SHH: variants seen among roughly 807,000 people sequenced by gnomAD.
The protein encoded by SHH is sonic hedgehog signaling molecule.
A neutral mutation model predicts 16.6 loss-of-function variants in SHH; 3 were observed. That is an observed-to-expected ratio of 0.18 (90% CI 0.08 to 0.47). SHH has a LOEUF of 0.47. Among genes scored for constraint, SHH ranks in the 20% least tolerant of loss-of-function variants. SHH has a pLI of 0.98. For synonymous variants in SHH, 351 were observed against 316.2 expected (o/e 1.11, Z -1.17); for missense variants, 499 against 665.0 (o/e 0.75, Z 2.75).
chr7:155,806,168 GCA>G, intron 2 of SHH, 126 bp downstream of exon 2: 1 of 1,184,224 alleles, frequency 8.4e-7, no homozygotes, highest in Non-Finnish European at 1.2e-6. Flanking sequence ...CCGCGGAAAC[GCA>G]GTCATCGCCC....
In SHH at chr7:155,812,214, G is replaced by T; in HGVS notation, c.-92C>A. On this transcript the variant is annotated 5_prime_UTR_variant, in exon 1 of 3. Coordinates refer to ENST00000297261, the MANE Select transcript of SHH (RefSeq NM_000193.4). Reference sequence around the variant, plus strand: ...GGTGTGTGCGTGTGCGCTCTCTCTTGCGCTTTCCCTTCCTCGCTCCGGCTC... The same window carrying T: ...GGTGTGTGCGTGTGCGCTCTCTCTTTCGCTTTCCCTTCCTCGCTCCGGCTC... The T allele has an allele frequency of 8.0e-7, 1 of 1,250,048 alleles. No homozygotes were observed. The highest frequency in any genetic ancestry group is 1.2e-6 in the Non-Finnish European group (1 of 853,132). The allele number at this position is 1,250,048 out of a possible 1,614,324, so 77.4% of individuals were successfully genotyped here.
At position 155,805,534 on chromosome 7, in the gene SHH, G is replaced by A. The variant is rs954298932; in HGVS notation, c.562+762C>T. 1.1e-4 allele frequency among the ~76,000 whole-genome samples: 16 copies of A among 152,266 alleles called. No homozygotes were observed. The East Asian group carries it at 2.1e-3, about 20-fold the overall frequency. ...CTAAACGTGCCAATTTATGCGGGCG[G>A]AGAAGAGCGCTGTGCACACAGCCTC... is the stretch of plus-strand genomic sequence containing the variant. On this transcript the variant is annotated intron_variant, in intron 2 of 2. Transcript: ENST00000297261.
chr7:155,802,979 TGCGAG>T lies in SHH; in HGVS notation c.1305_1309del (p.Tyr435Ter). 1 of 1,564,502 alleles carries T rather than the reference TGCGAG, an allele frequency of 6.4e-7. No individual in the cohort carries two copies. The highest frequency in any genetic ancestry group is 8.6e-7 in the Non-Finnish European group (1 of 1,156,584). On this transcript the variant is annotated stop_gained and frameshift_variant, in exon 3 of 3. Coordinates refer to ENST00000297261, the MANE Select transcript of SHH (RefSeq NM_000193.4). LOFTEE classifies it low-confidence loss of function (END_TRUNC). ...CCAGGTGCCTATTTGGTAGAGCAGC[TGCGAG>T]TACCAGTGGATGCCCGCGGTGGCCC...
intron 1 of SHH, among the ~76,000 whole-genome samples, chr7:155,808,132 A>G (rs1803413965): frequency 6.6e-6 from 1 of 152,168 alleles, no homozygotes; most frequent in African/African-American, 2.4e-5. Flanking sequence ...GTAACAGGTC[A>G]GTGCCTGCAT....
chr7:155,799,986 C>G lies in SHH; in HGVS notation c.*2914G>C. 2.1e-6 allele frequency: 1 copy of G among 466,700 alleles called. No individual in the cohort carries two copies. Among genetic ancestry groups the G allele is most frequent in the East Asian group, 7.0e-5 (1 of 14,370 alleles). The allele number at this position is 466,700 out of a possible 1,614,324, so 28.9% of individuals were successfully genotyped here. A position where few individuals can be genotyped will look rare whatever the true frequency, so the allele number is the denominator to read the frequency against. On this transcript the variant is annotated 3_prime_UTR_variant, in exon 3 of 3. Coordinates refer to ENST00000297261, the MANE Select transcript of SHH (RefSeq NM_000193.4). Reference sequence around the variant, plus strand: ...CCACATAACAGACACTGAAGAGAGTCTCTGTAATTTCTTTAATTATTCAAA... The same window carrying G: ...CCACATAACAGACACTGAAGAGAGTGTCTGTAATTTCTTTAATTATTCAAA...
intron 1 of SHH, among the ~76,000 whole-genome samples, chr7:155,810,374 G>T (rs1334824530): frequency 2.0e-5 from 3 of 152,242 alleles, no homozygotes; most frequent in Non-Finnish European, 4.4e-5. Context: ...AGGGACCCTG[G>T]CAAGGCCCCT....
At position 155,800,054 on chromosome 7, in the gene SHH, A is replaced by C. The variant is rs1295095674; in HGVS notation, c.*2846T>G. 2.1e-6 allele frequency: 1 copy of C among 471,640 alleles called. No individual in the cohort carries two copies. The highest frequency in any genetic ancestry group is 6.9e-5 in the East Asian group (1 of 14,400). The allele number at this position is 471,640 out of a possible 1,614,324, so 29.2% of individuals were successfully genotyped here. A position where few individuals can be genotyped will look rare whatever the true frequency, so the allele number is the denominator to read the frequency against. ...AACAGTTTCAAGTACATTGTGATACACGTTTTGACAGGAATAGATATGCAT... is the reference window on the plus strand; with the variant it reads ...AACAGTTTCAAGTACATTGTGATACCCGTTTTGACAGGAATAGATATGCAT... On this transcript the variant is annotated 3_prime_UTR_variant, in exon 3 of 3. Coordinates refer to ENST00000297261, the MANE Select transcript of SHH (RefSeq NM_000193.4).
In SHH at chr7:155,806,399, G is replaced by A; in HGVS notation, c.459C>T (p.Arg153=). The A allele has an allele frequency of 1.2e-6, 2 of 1,613,732 alleles. No individual in the cohort carries two copies. The highest frequency in any genetic ancestry group is 1.1e-5 in the South Asian group (1 of 91,084). ...CCAGCATGCCGTACTTGCTGCGGTC[G>A]CGGTCAGACGTGGTGATGTCCACTG... ...GRAVDITTSD[R]DRSKYGMLAR... The change falls in exon 2 of 3, where the codon CGC becomes CGT. Residue 153 remains arginine, a synonymous_variant. Coordinates refer to ENST00000297261, the MANE Select transcript of SHH (RefSeq NM_000193.4).
chr7:155,811,903 T>C lies in SHH; in HGVS notation c.220A>G (p.Lys74Glu). The C allele has an allele frequency of 6.2e-7, 1 of 1,614,144 alleles. No individual in the cohort carries two copies. The highest frequency in any genetic ancestry group is 8.5e-7 in the Non-Finnish European group (1 of 1,180,016). The change falls in exon 1 of 3, where the codon AAG (lysine) becomes GAG (glutamate). Residue 74 changes from lysine (K) to glutamate (E), a missense_variant. Lys to Glu is a moderately conservative substitution (Grantham distance 56). Transcript: ENST00000297261. ...GGGTTGTAATTGGGGGTGAGTTCCT[T>C]AAATCGCTCGGAGTTTCTGGAGATC... ...GKISRNSERF[K>E]ELTPNYNPDI...
chr7:155,803,274 C>T lies in SHH; in HGVS notation c.1015G>A (p.Glu339Lys). The change falls in exon 3 of 3, where the codon GAG becomes AAG. Residue 339 changes from glutamate to lysine, a missense_variant. By Grantham distance (56) the Glu-to-Lys change is moderately conservative (BLOSUM62 1). Transcript: ENST00000297261. ...GGCGCGTAGGCGCCCGCGGCCTCCTCGCTTAGGGTCACGCTGTGCACAGCG... is the reference window on the plus strand; with the variant it reads ...GGCGCGTAGGCGCCCGCGGCCTCCTTGCTTAGGGTCACGCTGTGCACAGCG... ...PAAVHSVTLSEEAAGAYAPLT... is the reference protein window; with the variant it reads ...PAAVHSVTLSKEAAGAYAPLT... 6.6e-7 allele frequency: 1 copy of T among 1,503,904 alleles called. No individual in the cohort carries two copies. The highest frequency in any genetic ancestry group is 1.8e-4 in the Middle Eastern group (1 of 5,636). The allele number at this position is 1,503,904 out of a possible 1,614,324, so 93.2% of individuals were successfully genotyped here. A position where few individuals can be genotyped will look rare whatever the true frequency, so the allele number is the denominator to read the frequency against.
Position 155,806,499 on chromosome 7 carries a change from A to G in SHH, c.359T>C (p.Val120Ala). Residue 120 changes from valine (V) to alanine (A), a missense_variant, in exon 2 of 3, where the codon GTG (valine) becomes GCG (alanine). Val to Ala is a moderately conservative substitution (Grantham distance 64). Coordinates refer to ENST00000297261, the MANE Select transcript of SHH (RefSeq NM_000193.4). Reference sequence around the variant, plus strand: ...CCAGCCCTCGGTCACCCGCAGTTTCACTCCTGGCCACTGGTTCATCACCGA... The same window carrying G: ...CCAGCCCTCGGTCACCCGCAGTTTCGCTCCTGGCCACTGGTTCATCACCGA... ...AISVMNQWPG[V>A]KLRVTEGWDE... 1 of 1,611,946 alleles carries G rather than the reference A, an allele frequency of 6.2e-7. No homozygotes were observed. The highest frequency in any genetic ancestry group is 8.5e-7 in the Non-Finnish European group (1 of 1,179,788).
chr7:155,803,059 G>A lies in SHH; in HGVS notation c.1230C>T (p.Gly410=), dbSNP rs759429246. 5 of 1,416,482 alleles carry A rather than the reference G, an allele frequency of 3.5e-6. No individual in the cohort carries two copies. Among genetic ancestry groups the A allele is most frequent in the East Asian group, 2.9e-5 (1 of 34,496 alleles). The allele number at this position is 1,416,482 out of a possible 1,614,324, so 87.7% of individuals were successfully genotyped here. The change falls in exon 3 of 3, where the codon GGC becomes GGT. Residue 410 remains glycine, a synonymous_variant. Transcript: ENST00000297261. ...CTGGAGCGGTTAGGGCTACTCTGCCGCCGCCGCCCCCGCGGTCCCCGCCGC... is the reference window on the plus strand; with the variant it reads ...CTGGAGCGGTTAGGGCTACTCTGCCACCGCCGCCCCCGCGGTCCCCGCCGC... The part of the protein sequence containing the change: ...DSGGGDRGGG[G]GRVALTAPGA...
In SHH at chr7:155,800,697, A is replaced by G. The variant is rs772869122; in HGVS notation, c.*2203T>C. On this transcript the variant is annotated 3_prime_UTR_variant, in exon 3 of 3. Transcript: ENST00000297261. ...AACACCAAAGAAAAGTCTTTTACAG[A>G]AAAAGGCTGAGGACTGCTCCTGAGG... The G allele has an allele frequency of 2.3e-4, 107 of 466,494 alleles. No homozygotes were observed. Among genetic ancestry groups the G allele is most frequent in the Non-Finnish European group, 4.0e-4 (90 of 226,122 alleles). 28.9% of individuals were successfully genotyped at this position (466,494 alleles called of 1,614,324 possible).
chr7:155,803,141 G>T lies in SHH; in HGVS notation c.1148C>A (p.Ala383Glu). 1 of 1,416,086 alleles carries T rather than the reference G, an allele frequency of 7.1e-7. No individual in the cohort carries two copies. The highest frequency in any genetic ancestry group is 9.2e-7 in the Non-Finnish European group (1 of 1,081,308). The allele number at this position is 1,416,086 out of a possible 1,614,324, so 87.7% of individuals were successfully genotyped here. A position where few individuals can be genotyped will look rare whatever the true frequency, so the allele number is the denominator to read the frequency against. The stretch of plus-strand genomic sequence containing the variant: ...CGCCAGTGCAGCCAGGAGCGCGTGC[G>T]CCAGGCGGAAGGGCGCGAAGGCCCG... ...AHRAFAPFRL[A>E]HALLAALAPA... Residue 383 changes from alanine to glutamate, a missense_variant, in exon 3 of 3, where the codon GCG becomes GAG. Coordinates refer to ENST00000297261, the MANE Select transcript of SHH (RefSeq NM_000193.4).
rs1383383997 is a variant in SHH, at chr7:155,802,860, G to A, written c.*40C>T. 3.2e-6 allele frequency: 1 copy of A among 313,080 alleles called. No homozygotes were observed. The highest frequency in any genetic ancestry group is 5.5e-6 in the Non-Finnish European group (1 of 180,422). The allele number at this position is 313,080 out of a possible 1,614,324, so 19.4% of individuals were successfully genotyped here. On this transcript the variant is annotated 3_prime_UTR_variant, in exon 3 of 3. Transcript: ENST00000297261. ...TGCTTTGCGTTGCTGTTGCTGCCCCGCCCCGCCCCCTCCCGCGCCCCTCCC... is the reference window on the plus strand; with the variant it reads ...TGCTTTGCGTTGCTGTTGCTGCCCCACCCCGCCCCCTCCCGCGCCCCTCCC...
chr7:155,810,224 A>AG (rs1803490353), intron 1 of SHH, among the ~76,000 whole-genome samples: 1 of 152,118 alleles, frequency 6.6e-6, no homozygotes, highest in Non-Finnish European at 1.5e-5. Flanking sequence ...AGCCCTGGGA[A>AG]GGTGTGCGAG....
intron 1 of SHH, among the ~76,000 whole-genome samples, chr7:155,808,523 T>A (rs1198463043): frequency 2.0e-5 from 3 of 151,848 alleles, no homozygotes; most frequent in African/African-American, 7.3e-5. Context: ...CGACGGGAGG[T>A]GGCTGCGCGA....
rs947626100 is a variant in SHH at position 155,800,762 on chromosome 7, C to G, written c.*2138G>C. The G allele has an allele frequency of 2.5e-6, 1 of 407,930 alleles. No individual in the cohort carries two copies. The highest frequency in any genetic ancestry group is 1.8e-5 in the South Asian group (1 of 56,364). 25.3% of individuals were successfully genotyped at this position (407,930 alleles called of 1,614,324 possible). A position where few individuals can be genotyped will look rare whatever the true frequency, so the allele number is the denominator to read the frequency against. Reference sequence around the variant, plus strand: ...GCCCTGCGCCATCCACCTGGTCACACACCCTCCACGGAAGGCCACTCAAGG... The same window carrying G: ...GCCCTGCGCCATCCACCTGGTCACAGACCCTCCACGGAAGGCCACTCAAGG... On this transcript the variant is annotated 3_prime_UTR_variant, in exon 3 of 3. Transcript: ENST00000297261.
At position 155,807,208 on chromosome 7, in the gene SHH, G is replaced by T. The variant is rs1193404993; in HGVS notation, c.301-651C>A. The T allele has an allele frequency of 6.3e-6, 1 of 159,784 alleles. No individual in the cohort carries two copies. Among genetic ancestry groups the T allele is most frequent in the Non-Finnish European group, 1.4e-5 (1 of 72,090 alleles). 9.9% of individuals were successfully genotyped at this position (159,784 alleles called of 1,614,324 possible). A position where few individuals can be genotyped will look rare whatever the true frequency, so the allele number is the denominator to read the frequency against. ...GCGGTGGGCGGGAGCCTGGGTGGCA[G>T]GCGGCTAGGTGAGTTGCCACTTGCA... On this transcript the variant is annotated intron_variant, in intron 1 of 2. Transcript: ENST00000297261. This position sits in a 1 kb window ranked among gnomAD's most constrained non-coding sequence, Gnocchi z 7.1.
Sources: gnomAD v4.1 joint callset for allele counts (sites outside exome capture counted in the v4.1 genomes callset) on GRCh38, gnomAD v4.1.1 for gene constraint, Gnocchi (gnomAD v3.1) non-coding constraint, MANE v1.5 for transcripts, NCBI Gene and HGNC (gene_info 2026-07-23, HGNC 2026-07-21) for gene names.